The following RAF1 variants were observed in gnomAD, a reference collection of about 807,000 sequenced individuals.
The protein encoded by RAF1 is RAF proto-oncogene serine/threonine-protein kinase.
In RAF1, 27 loss-of-function variants were observed where a neutral mutation model predicts 81.1. The ratio of observed to expected loss-of-function variants is 0.33; its 90% CI spans 0.25 to 0.46. The LOEUF is 0.46. RAF1 is among the 20% of genes least tolerant of loss of function. RAF1 has a pLI of 1.00. For synonymous variants in RAF1, 298 were observed against 294.0 expected (o/e 1.01, Z -0.14); for missense variants, 598 against 826.0 (o/e 0.72, Z 3.38).
intron 2 of RAF1, among the ~76,000 whole-genome samples, chr3:12,615,215 T>C (rs1246229917): frequency 6.6e-6 from 1 of 152,166 alleles, no homozygotes; most frequent in Non-Finnish European, 1.5e-5. Context: ...CTCCAGTCAA[T>C]CACTTATCTA....
chr3:12,624,708 G>C (rs78607297), intron 1 of RAF1, among the ~76,000 whole-genome samples: 5,155 of 152,078 alleles, frequency 0.034, 309 homozygotes, highest in African/African-American at 0.12. Flanking sequence ...CATTTAAAAA[G>C]AGAGACATGT....
At position 12,641,490 on chromosome 3, in the gene RAF1, G is replaced by GTTTTTTTTTT. The variant is rs747472648; in HGVS notation, c.-27+22313_-27+22322dup. On this transcript the variant is annotated intron_variant, in intron 1 of 17. Coordinates refer to ENST00000442415, the MANE Select transcript of RAF1 (RefSeq NM_001354689.3). ...CCCCCCCAAAAAAAAATGTTTTTTGGTTTTTTTTTTTTTTTTTTTGAAACA... is the reference window on the plus strand; with the variant it reads ...CCCCCCCAAAAAAAAATGTTTTTTGGTTTTTTTTTTTTTTTTTTTTTTTTTTTTTGAAACA... 6.7e-5 allele frequency among the ~76,000 whole-genome samples: 9 copies of GTTTTTTTTTT among 134,606 alleles called. No homozygotes were observed. The South Asian group carries it at 1.9e-3, about 29-fold the overall frequency. 88.3% of individuals were successfully genotyped at this position (134,606 alleles called of 152,430 possible).
chr3:12,607,721 G>A (rs567718557), intron 5 of RAF1, among the ~76,000 whole-genome samples: 1 of 151,996 alleles, frequency 6.6e-6, no homozygotes, highest in South Asian at 2.1e-4. Flanking sequence ...GGGAGGCCGA[G>A]GTGGGCAGAT....
chr3:12,616,630 A>T (rs2059376565), intron 2 of RAF1, among the ~76,000 whole-genome samples: 1 of 152,192 alleles, frequency 6.6e-6, no homozygotes, highest in South Asian at 2.1e-4. Flanking sequence ...GAGGCTCCTT[A>T]GGTTCACAAA....
At chr3:12,616,457 T>C (rs574086072) in intron 2 of RAF1, among the ~76,000 whole-genome samples, 22 of 152,320 alleles carry the variant, frequency 1.4e-4, no homozygotes, top group African/African-American at 4.6e-4. Context: ...TGGAAGACCA[T>C]TGTTCAGATA....
chr3:12,585,058 C>G (rs2125320777), intron 16 of RAF1, 64 bp downstream of exon 15: 7 of 1,614,032 alleles, frequency 4.3e-6, no homozygotes, highest in Non-Finnish European at 5.9e-6. Flanking sequence ...CCTCTAGCTG[C>G]TTAGGCTGGC....
chr3:12,657,124 G>A (rs2060719835), intron 1 of RAF1, among the ~76,000 whole-genome samples: 1 of 152,108 alleles, frequency 6.6e-6, no homozygotes, highest in Non-Finnish European at 1.5e-5. Context: ...GCACCTACAG[G>A]GGCCTAAAAA....
intron 1 of RAF1, among the ~76,000 whole-genome samples, chr3:12,621,516 G>A (rs978182669): frequency 2.0e-5 from 3 of 152,158 alleles, no homozygotes; most frequent in Non-Finnish European, 4.4e-5. Flanking sequence ...ATCACAACAT[G>A]GAGTTATTCT....
At position 12,609,283 on chromosome 3, in the gene RAF1, CT is replaced by C. The variant is rs778777586; in HGVS notation, c.372del (p.Glu125AsnfsTer4). The C allele has an allele frequency of 6.2e-7, 1 of 1,613,810 alleles. No individual in the cohort carries two copies. Among genetic ancestry groups the C allele is most frequent in the Non-Finnish European group, 8.5e-7 (1 of 1,179,772 alleles). The stretch of plus-strand genomic sequence containing the variant: ...TGATCCAGGAAATCTACTTGAAGTT[CT>C]TCTCCAATCAAAGACGCAGCATCAG... On this transcript the variant is annotated frameshift_variant, in exon 4 of 18. Coordinates refer to ENST00000442415, the MANE Select transcript of RAF1 (RefSeq NM_001354689.3). LOFTEE classifies it high-confidence loss of function.
chr3:12,636,114 C>A (rs930414879), intron 1 of RAF1, among the ~76,000 whole-genome samples: 9 of 151,280 alleles, frequency 5.9e-5, no homozygotes, highest in African/African-American at 2.2e-4. Context: ...GGTGAAACCC[C>A]GTCTCTACCA....
intron 1 of RAF1, among the ~76,000 whole-genome samples, chr3:12,628,226 C>T (rs752763502): frequency 3.9e-5 from 6 of 152,208 alleles, no homozygotes; most frequent in African/African-American, 7.2e-5. Flanking sequence ...TTCGGGAGAC[C>T]GAGGTACGAA....
intron 1 of RAF1, among the ~76,000 whole-genome samples, chr3:12,661,033 C>T (rs1212581742): frequency 6.6e-6 from 1 of 152,134 alleles, no homozygotes; most frequent in Non-Finnish European, 1.5e-5. Flanking sequence ...TCAACTGGGT[C>T]AAATGTTTAT....
intron 1 of RAF1, among the ~76,000 whole-genome samples, chr3:12,634,980 T>C: frequency 6.6e-6 from 1 of 152,022 alleles, no homozygotes. Flanking sequence ...CTAAAACTGA[T>C]ATAAGGAAAA....
chr3:12,589,388 A>G (rs1239787886), intron 13 of RAF1: 1 of 152,232 alleles, frequency 6.6e-6, no homozygotes. Flanking sequence ...GGCAACTTCC[A>G]TATGAATTTT....
intron 1 of RAF1, among the ~76,000 whole-genome samples, chr3:12,620,857 T>C (rs1318800106): frequency 6.6e-6 from 1 of 152,050 alleles, no homozygotes; most frequent in East Asian, 1.9e-4. Context: ...TTTATCTGTT[T>C]AAATTTAAAG....
chr3:12,617,087 G>A (rs1236412521), intron 2 of RAF1, among the ~76,000 whole-genome samples: 1 of 151,702 alleles, frequency 6.6e-6, no homozygotes. Context: ...GACTACAGAC[G>A]TGTGCCACCA....
chr3:12,604,859 C>A (rs1026985804), intron 6 of RAF1, among the ~76,000 whole-genome samples: 6 of 107,408 alleles, frequency 5.6e-5, no homozygotes, highest in African/African-American at 1.7e-4. Flanking sequence ...TCACCACCAA[C>A]CCCCACCAAC....
chr3:12,658,454 T>A (rs535574838), intron 1 of RAF1, among the ~76,000 whole-genome samples: 2 of 151,964 alleles, frequency 1.3e-5, no homozygotes, highest in Admixed American at 1.3e-4. Flanking sequence ...AATACAAAAT[T>A]AGCCAGGTGT....
rs142173613 is a variant in RAF1, at chr3:12,653,438, T to C, written c.-27+10375A>G. Among the ~76,000 whole-genome samples the C allele has an allele frequency of 3.3e-5, 5 of 152,274 alleles. No individual in the cohort carries two copies. The East Asian group carries it at 9.6e-4, about 29-fold the overall frequency. On this transcript the variant is annotated intron_variant, in intron 1 of 17. Coordinates refer to ENST00000442415, the MANE Select transcript of RAF1 (RefSeq NM_001354689.3). ...CAGTTGGTCTCTCCAGTACATTTCC[T>C]ATTGCAGTAAAAAGTGATATCTCTT...
Sources: gnomAD v4.1 joint callset for allele counts (sites outside exome capture counted in the v4.1 genomes callset) on GRCh38, gnomAD v4.1.1 for gene constraint, MANE v1.5 for transcripts, NCBI Gene and HGNC (gene_info 2026-07-23, HGNC 2026-07-21) for gene names.